The following TMEM178A variants were observed in gnomAD, a reference collection of about 807,000 sequenced individuals.
TMEM178A encodes the protein transmembrane protein 178A, also known as transmembrane protein 178.
TMEM178A carries 12 observed loss-of-function variants against 29.1 expected under a neutral mutation model. That is an observed-to-expected ratio of 0.41 (90% CI 0.26 to 0.67). The LOEUF (loss-of-function observed/expected upper bound fraction) is 0.67. Ranked by LOEUF, TMEM178A falls within the 30% of genes least tolerant of loss-of-function variation. The probability of loss-of-function intolerance (pLI) is 0.29; values close to 1 mark genes in which losing one functional copy is unlikely to be tolerated. For synonymous variants in TMEM178A, 210 were observed against 187.2 expected, an observed-to-expected ratio of 1.12 and a Z score of -0.99; for missense variants, 366 against 419.1, an observed-to-expected ratio of 0.87 and a Z score of 1.11.
chr2:39,707,460 T>C (rs1002235702), intron 3 of TMEM178A, among the ~76,000 whole-genome samples: 5 of 152,112 alleles, frequency 3.3e-5, no homozygotes, highest in Non-Finnish European at 7.4e-5. Flanking sequence ...GTTTTTTTGC[T>C]GTACTTTCTT....
At position 39,666,029 on chromosome 2, in the gene TMEM178A, C is replaced by G. The variant is rs1471387211; in HGVS notation, c.55C>G (p.Leu19Val). ...CAGCCTCGGCCTCAGCCTGTGCTCC[C>G]TGGGGCTGCTCGTCACGGCCATCTT... ...ALSLGLSLCS[L>V]GLLVTAIFTD... Residue 19 changes from leucine (L) to valine (V), a missense_variant, in exon 1 of 4, where the codon CTG (leucine) becomes GTG (valine). Leu to Val is a conservative substitution (Grantham distance 32). This residue lies in a region of TMEM178A where 247 missense variants were observed against 246.8 expected (regional missense o/e 1.00). Transcript: ENST00000281961. The G allele has an allele frequency of 6.4e-7, 1 of 1,552,878 alleles. No homozygotes were observed. Among genetic ancestry groups the G allele is most frequent in the Non-Finnish European group, 8.7e-7 (1 of 1,153,336 alleles).
At chr2:39,729,654 T>C in the TMEM178A span, among the ~76,000 whole-genome samples, 1 of 152,210 alleles carries the variant, frequency 6.6e-6, no homozygotes, top group African/African-American at 2.4e-5. Context: ...GTCAAGAACA[T>C]GATTTCTGGG....
intron 1 of TMEM178A, among the ~76,000 whole-genome samples, chr2:39,693,935 C>G (rs1036090309): frequency 6.6e-6 from 1 of 150,700 alleles, no homozygotes; most frequent in Non-Finnish European, 1.5e-5. Context: ...CCTTTTTGAA[C>G]ACTATTATTT....
intron 3 of TMEM178A, among the ~76,000 whole-genome samples, chr2:39,708,706 C>T (rs1361354926): frequency 1.3e-5 from 2 of 152,014 alleles, no homozygotes; most frequent in African/African-American, 2.4e-5. Flanking sequence ...CGTGAGCCAC[C>T]GCGCCCGGCC....
chr2:39,724,385 C>T, the TMEM178A span, among the ~76,000 whole-genome samples: 1 of 152,020 alleles, frequency 6.6e-6, no homozygotes, highest in African/African-American at 2.4e-5. Context: ...GATGTGTGGC[C>T]CTGCAAGAAT....
the TMEM178A span, among the ~76,000 whole-genome samples, chr2:39,730,368 T>A: frequency 3.0e-4 from 45 of 152,096 alleles, 1 homozygote; most frequent in African/African-American, 1.0e-3. Context: ...ATACAACTGG[T>A]GGTTTTCCCC....
chr2:39,699,487 C>T (rs1488625830), intron 1 of TMEM178A, among the ~76,000 whole-genome samples: 1 of 151,322 alleles, frequency 6.6e-6, no homozygotes, highest in African/African-American at 2.4e-5. Flanking sequence ...GACAGAGTCT[C>T]ACTCTGTCAC....
the TMEM178A span, among the ~76,000 whole-genome samples, chr2:39,730,484 G>C: frequency 2.0e-5 from 3 of 152,138 alleles, no homozygotes; most frequent in Non-Finnish European, 2.9e-5. Context: ...GACAATTCCT[G>C]TAAAGAGCTG....
chr2:39,706,995 T>G (rs1672061823), intron 2 of TMEM178A, 54 bp from the exon 3 acceptor site: 2 of 1,555,342 alleles, frequency 1.3e-6, no homozygotes, highest in Admixed American at 2.0e-5. Flanking sequence ...TCTCTAATTC[T>G]TAATGACTTT....
chr2:39,723,888 A>G, the TMEM178A span, among the ~76,000 whole-genome samples: 1 of 152,198 alleles, frequency 6.6e-6, no homozygotes, highest in Non-Finnish European at 1.5e-5. Context: ...TCAACATGTT[A>G]TACATCTAGA....
intron 3 of TMEM178A, among the ~76,000 whole-genome samples, chr2:39,709,965 G>C (rs1672232202): frequency 6.6e-6 from 1 of 152,220 alleles, no homozygotes; most frequent in Non-Finnish European, 1.5e-5. Context: ...TGAGGGGCCA[G>C]TCTGGTTTTA....
chr2:39,720,777 A>G (rs1672688002), downstream of TMEM178A, among the ~76,000 whole-genome samples: 1 of 152,200 alleles, frequency 6.6e-6, no homozygotes, highest in Admixed American at 6.5e-5. Flanking sequence ...TGACTCCCTT[A>G]GCACCAATTT....
chr2:39,681,046 T>C (rs1670850277), intron 1 of TMEM178A, among the ~76,000 whole-genome samples: 2 of 152,276 alleles, frequency 1.3e-5, no homozygotes, highest in East Asian at 1.9e-4. Context: ...CATATTGCAA[T>C]TGGGATAATA....
chr2:39,718,639 TTA>T (rs1463643852), downstream of TMEM178A, among the ~76,000 whole-genome samples: 2 of 152,238 alleles, frequency 1.3e-5, no homozygotes, highest in Non-Finnish European at 2.9e-5. Context: ...TGCTGTTATT[TTA>T]TGTTACTCAT....
the TMEM178A span, among the ~76,000 whole-genome samples, chr2:39,725,761 C>G: frequency 6.6e-6 from 1 of 152,168 alleles, no homozygotes; most frequent in Non-Finnish European, 1.5e-5. Flanking sequence ...GGTTACTTTT[C>G]TTTTATTGTT....
At position 39,708,563 on chromosome 2, in the gene TMEM178A, C is replaced by T. The variant is rs1210757769; in HGVS notation, c.652+1377C>T. ...CCTCCCGTGTAGCTGGGACTACAGG[C>T]GCGCGCCACCATGCCCGGCTAATTT... On this transcript the variant is annotated intron_variant, in intron 3 of 3. Coordinates refer to ENST00000281961, the MANE Select transcript of TMEM178A (RefSeq NM_152390.3). 6.0e-5 allele frequency among the ~76,000 whole-genome samples: 9 copies of T among 150,552 alleles called. No homozygotes were observed. The South Asian group carries it at 8.6e-4, about 14-fold the overall frequency.
intron 1 of TMEM178A, among the ~76,000 whole-genome samples, chr2:39,686,611 C>T (rs1232517889): frequency 4.3e-5 from 6 of 139,516 alleles, no homozygotes; most frequent in Non-Finnish European, 7.6e-5. Context: ...CTCTGGGCTA[C>T]GGATGGTGGC....
chr2:39,702,813 A>G (rs1671848601), intron 1 of TMEM178A, among the ~76,000 whole-genome samples: 1 of 152,206 alleles, frequency 6.6e-6, no homozygotes, highest in South Asian at 2.1e-4. Context: ...TACCTGCATC[A>G]GAATTACTTG....
chr2:39,720,786 T>G (rs932804568), downstream of TMEM178A, among the ~76,000 whole-genome samples: 3 of 152,192 alleles, frequency 2.0e-5, no homozygotes, highest in African/African-American at 7.2e-5. Flanking sequence ...TAGCACCAAT[T>G]TTAGGGAGCC....
Sources: allele counts gnomAD v4.1 joint callset (sites outside exome capture counted in the v4.1 genomes callset), GRCh38; gene constraint gnomAD v4.1.1; regional missense constraint gnomAD v4.1.1; transcripts MANE v1.5; gene names NCBI Gene and HGNC (gene_info 2026-07-23, HGNC 2026-07-21).